Variants in NF1 observed in about 807,000 individuals in gnomAD.
The protein encoded by NF1 is neurofibromin.
NF1 carries 122 observed loss-of-function variants against 325.7 expected under a neutral mutation model. That is an observed-to-expected ratio of 0.37 (90% CI 0.32 to 0.44). The LOEUF (loss-of-function observed/expected upper bound fraction) is 0.44. NF1 is among the 20% of genes least tolerant of loss of function. The probability of loss-of-function intolerance (pLI) is 1.00; values close to 1 mark genes in which losing one functional copy is unlikely to be tolerated. For missense variants in NF1, 2,140 were observed against 3,415.4 expected, an observed-to-expected ratio of 0.63 and a Z score of 9.31; for synonymous variants, 1,091 against 1,186.0, an observed-to-expected ratio of 0.92 and a Z score of 1.65.
Position 31,356,480 on chromosome 17 carries a change from C to A in NF1, c.7636C>A (p.His2546Asn). ...TATAGGAACAAGGAAAAGTTTTGAT[C>A]ACTTGATATCAGACACAAAGGCTCC... is the stretch of plus-strand genomic sequence containing the variant. The part of the protein sequence containing the change: ...KLLGTRKSFD[H>N]LISDTKAPKR... The change falls in exon 52 of 58, where the codon CAC (histidine) becomes AAC (asparagine). Residue 2546 changes from histidine (H) to asparagine (N), a missense_variant. Coordinates refer to ENST00000358273, the MANE Select transcript of NF1 (RefSeq NM_001042492.3). The A allele has an allele frequency of 6.2e-7, 1 of 1,613,534 alleles. No homozygotes were observed. Among genetic ancestry groups the A allele is most frequent in the South Asian group, 1.1e-5 (1 of 91,040 alleles).
At position 31,325,941 on chromosome 17, in the gene NF1, C is replaced by A. The variant is rs876659922; in HGVS notation, c.4957C>A (p.Arg1653Ser). 1.2e-6 allele frequency: 2 copies of A among 1,614,192 alleles called. No individual in the cohort carries two copies. Among genetic ancestry groups the A allele is most frequent in the Non-Finnish European group, 1.7e-6 (2 of 1,180,028 alleles). Residue 1653 changes from arginine to serine, a missense_variant, in exon 37 of 58, where the codon CGC (arginine) becomes AGC (serine). Coordinates refer to ENST00000358273, the MANE Select transcript of NF1 (RefSeq NM_001042492.3). ...CCTTACCCATACCGGGCCTAGCAAT[C>A]GCTTTAAAACAGACTTTCTCTCTAA... is the stretch of plus-strand genomic sequence containing the variant. ...VDLTHTGPSN[R>S]FKTDFLSKWF...
At chr17:31,178,012 A>G (rs1170479771) in intron 5 of NF1, among the ~76,000 whole-genome samples, 1 of 152,178 alleles carries the variant, frequency 6.6e-6, no homozygotes, top group Non-Finnish European at 1.5e-5. Flanking sequence ...CAGGAAATAC[A>G]GAGAACACTA....
At chr17:31,102,885 G>T (rs1323768510) in intron 1 of NF1, among the ~76,000 whole-genome samples, 3 of 145,086 alleles carry the variant, frequency 2.1e-5, no homozygotes, top group Admixed American at 7.0e-5. Flanking sequence ...TCGCTCTATT[G>T]CCCAGGTTGG....
In NF1 at chr17:31,261,613, T is replaced by A. The variant is rs577936164; in HGVS notation, c.4578-98T>A. The A allele has an allele frequency of 2.2e-3, 2,829 of 1,307,712 alleles. 62 individuals are homozygous for A. The South Asian group carries it at 0.032, about 15-fold the overall frequency. 81.0% of individuals were successfully genotyped at this position (1,307,712 alleles called of 1,614,324 possible). On this transcript the variant is annotated intron_variant, in intron 34 of 57. Transcript: ENST00000358273. ...TTTTTGGTGCTGTTTACAAATCAGC[T>A]GACAGTAAAAGGAAAAGCAACCAGT...
intron 1 of NF1, among the ~76,000 whole-genome samples, chr17:31,143,800 CTTGT>C (rs768068379): frequency 7.2e-5 from 11 of 151,744 alleles, no homozygotes; most frequent in Admixed American, 1.3e-4. Context: ...GTCTCTTGTT[CTTGT>C]TTTTCTTTTC....
intron 36 of NF1, chr17:31,272,119 A>C (rs1007296806): frequency 6.6e-6 from 1 of 152,242 alleles, no homozygotes; most frequent in African/African-American, 2.4e-5. Flanking sequence ...ATTTGCAAAA[A>C]AAAATCAAGA....
intron 36 of NF1, among the ~76,000 whole-genome samples, chr17:31,301,729 CACTT>C (rs2151505473): frequency 6.6e-6 from 1 of 152,280 alleles, no homozygotes; most frequent in Non-Finnish European, 1.5e-5. Context: ...CTAAGCACAT[CACTT>C]ACTTTCTCTG....
At position 31,155,683 on chromosome 17, in the gene NF1, C is replaced by T. The variant is rs2269856; in HGVS notation, c.61-300C>T. Reference sequence around the variant, plus strand: ...CTTATATAGTGCTGGATAAAGAATTCTATTTTGTAGATAGAGATTTATGAC... The same window carrying T: ...CTTATATAGTGCTGGATAAAGAATTTTATTTTGTAGATAGAGATTTATGAC... On this transcript the variant is annotated intron_variant, in intron 1 of 57. Coordinates refer to ENST00000358273, the MANE Select transcript of NF1 (RefSeq NM_001042492.3). Among the ~76,000 whole-genome samples, 106,657 of 152,100 alleles carry T rather than the reference C, an allele frequency of 0.7. 37,663 individuals carry two copies. Among genetic ancestry groups the T allele is most frequent in the Middle Eastern group, 0.84 (246 of 294 alleles).
intron 57 of NF1, chr17:31,360,925 A>G (rs1364975761): frequency 3.5e-6 from 2 of 575,304 alleles, no homozygotes; most frequent in Middle Eastern, 4.7e-4. Flanking sequence ...AAATGTCCAC[A>G]TGATATTCCA....
chr17:31,337,692 A>G (rs2069712673), intron 43 of NF1, 110 bp downstream of exon 43: 1 of 1,399,046 alleles, frequency 7.1e-7, no homozygotes, highest in Non-Finnish European at 1.0e-6. Flanking sequence ...CTTAATGCTT[A>G]AATAAAAACA....
intron 12 of NF1, among the ~76,000 whole-genome samples, chr17:31,210,310 C>T (rs1451297432): frequency 1.3e-5 from 2 of 152,186 alleles, no homozygotes; most frequent in Non-Finnish European, 2.9e-5. Flanking sequence ...AGGCCGGGCA[C>T]AGTGGCTCAT....
chr17:31,175,107 CAAAAAA>C (rs1171161386), intron 5 of NF1, among the ~76,000 whole-genome samples: 49 of 29,016 alleles, frequency 1.7e-3, no homozygotes, highest in East Asian at 2.8e-3. Flanking sequence ...GACTCCATCT[CAAAAAA>C]AAAAAAAAAA....
Position 31,360,635 on chromosome 17 carries a change from T to G in NF1, c.8309T>G (p.Leu2770Arg). The change falls in exon 57 of 58, where the codon CTT becomes CGT. Residue 2770 changes from leucine to arginine, a missense_variant. Physicochemically the swap from Leu to Arg is moderately radical, Grantham distance 102. Coordinates refer to ENST00000358273, the MANE Select transcript of NF1 (RefSeq NM_001042492.3). ...SPYPPALQSQ[L>R]SITANLNLSN... ...TACCCTCCTGCACTGCAGAGCCAGCTTAGTATCACTGCCAACCTTAACCTT... is the reference window on the plus strand; with the variant it reads ...TACCCTCCTGCACTGCAGAGCCAGCGTAGTATCACTGCCAACCTTAACCTT... The G allele has an allele frequency of 6.2e-7, 1 of 1,614,116 alleles. No individual in the cohort carries two copies. The highest frequency in any genetic ancestry group is 8.5e-7 in the Non-Finnish European group (1 of 1,180,016).
chr17:31,103,812 G>A (rs942144282), intron 1 of NF1, among the ~76,000 whole-genome samples: 10 of 151,204 alleles, frequency 6.6e-5, no homozygotes, highest in Non-Finnish European at 1.2e-4. Flanking sequence ...TCTACAAAAA[G>A]TAAAAAAAAC....
chr17:31,270,616 T>A (rs1200842671), intron 36 of NF1, among the ~76,000 whole-genome samples: 1 of 152,104 alleles, frequency 6.6e-6, no homozygotes, highest in African/African-American at 2.4e-5. Context: ...TCTGAAAGAA[T>A]ACATTAAAAC....
Position 31,274,730 on chromosome 17 carries a change from GGTAATAGTAATA to G in NF1, c.4835+9415_4835+9426del, listed in dbSNP as rs68037843. On this transcript the variant is annotated intron_variant, in intron 36 of 57. Coordinates refer to ENST00000358273, the MANE Select transcript of NF1 (RefSeq NM_001042492.3). Reference sequence around the variant, plus strand: ...GGATTTCTTTGGGGGGTATATAGTTGGTAATAGTAATAGTAATAGTAATAGTAATAGTAATGT... The same window carrying G: ...GGATTTCTTTGGGGGGTATATAGTTGGTAATAGTAATAGTAATAGTAATGT... 4.7e-3 allele frequency among the ~76,000 whole-genome samples: 709 copies of G among 150,776 alleles called. 7 individuals carry two copies. Among genetic ancestry groups the G allele is most frequent in the Middle Eastern group, 6.9e-3 (2 of 290 alleles).
At chr17:31,311,804 A>G (rs909686972) in intron 36 of NF1, among the ~76,000 whole-genome samples, 14 of 152,224 alleles carry the variant, frequency 9.2e-5, no homozygotes, top group African/African-American at 3.1e-4. Context: ...GTTTCTTTCT[A>G]TCACATTTCA....
intron 36 of NF1, among the ~76,000 whole-genome samples, chr17:31,322,944 G>A (rs1358068091): frequency 3.3e-5 from 5 of 151,990 alleles, no homozygotes; most frequent in Non-Finnish European, 4.4e-5. Context: ...GTGCCTTTTC[G>A]GTAGCCCTGA....
rs750313783 is a variant in NF1 at position 31,227,646 on chromosome 17, G to A, written c.2409+40G>A. The A allele has an allele frequency of 4.0e-6, 6 of 1,512,532 alleles. No individual in the cohort carries two copies. The South Asian group carries it at 6.8e-5, about 17-fold the overall frequency. 93.7% of individuals were successfully genotyped at this position (1,512,532 alleles called of 1,614,324 possible). A position where few individuals can be genotyped will look rare whatever the true frequency, so the allele number is the denominator to read the frequency against. ...TTGACTTTTGTCTGTTAACTGATCT[G>A]CTAAATATATGTACTTCACTTTGAT... On this transcript the variant is annotated intron_variant, in intron 20 of 57. Coordinates refer to ENST00000358273, the MANE Select transcript of NF1 (RefSeq NM_001042492.3).
Sources: allele counts gnomAD v4.1 joint callset (sites outside exome capture counted in the v4.1 genomes callset), GRCh38; gene constraint gnomAD v4.1.1; transcripts MANE v1.5; gene names NCBI Gene and HGNC (gene_info 2026-07-23, HGNC 2026-07-21).